SAMD5: variants seen among roughly 807,000 people sequenced by gnomAD.
SAMD5 encodes sterile alpha motif domain-containing protein 5.
In SAMD5, 13 loss-of-function variants were observed where a neutral mutation model predicts 11.3. That is an observed-to-expected ratio of 1.15 (90% CI 0.75 to 1.83). The LOEUF (loss-of-function observed/expected upper bound fraction) is 1.83. SAMD5 is among the 40% of genes most tolerant of loss of function. SAMD5 has a pLI of 0.00. For missense variants in SAMD5, 255 were observed against 239.1 expected, an observed-to-expected ratio of 1.07 and a Z score of -0.44; for synonymous variants, 129 against 111.3, an observed-to-expected ratio of 1.16 and a Z score of -1.00.
chr6:147,881,593 T>C, the SAMD5 span, among the ~76,000 whole-genome samples: 14 of 152,186 alleles, frequency 9.2e-5, no homozygotes, highest in Non-Finnish European at 1.9e-4. Context: ...CTCCTGCTTG[T>C]CAGAGACCGA....
At chr6:147,799,616 G>C in the SAMD5 span, among the ~76,000 whole-genome samples, 2 of 151,910 alleles carry the variant, frequency 1.3e-5, no homozygotes, top group African/African-American at 4.8e-5. Flanking sequence ...ACTTTGGCCT[G>C]CCTTACTAGA....
intron 1 of SAMD5, among the ~76,000 whole-genome samples, chr6:147,680,479 G>A (rs1158418267): frequency 6.6e-6 from 1 of 152,014 alleles, no homozygotes; most frequent in Non-Finnish European, 1.5e-5. Flanking sequence ...ATGGTCTTAG[G>A]TCTTCCTTTC....
chr6:147,525,996 A>G (rs1788333403), intron 1 of SAMD5, among the ~76,000 whole-genome samples: 1 of 152,114 alleles, frequency 6.6e-6, no homozygotes, highest in Admixed American at 6.5e-5. Flanking sequence ...TACCACAGAG[A>G]CCACACCTGG....
chr6:147,795,230 A>C, the SAMD5 span, among the ~76,000 whole-genome samples: 1,229 of 105,998 alleles, frequency 0.012, 31 homozygotes, highest in African/African-American at 0.042. Context: ...CCCACCCCAC[A>C]ACAGTCCCCA....
chr6:147,609,010 G>GAT (rs1425054663), intron 1 of SAMD5, among the ~76,000 whole-genome samples: 1 of 151,886 alleles, frequency 6.6e-6, no homozygotes, highest in Non-Finnish European at 1.5e-5. Context: ...CTTTTTAAAG[G>GAT]ATACTTGTTT....
At chr6:147,833,677 G>A in the SAMD5 span, among the ~76,000 whole-genome samples, 1 of 152,044 alleles carries the variant, frequency 6.6e-6, no homozygotes, top group African/African-American at 2.4e-5. Context: ...CTTTTTTCCT[G>A]TGTATGTAAA....
chr6:147,898,781 T>C, the SAMD5 span, among the ~76,000 whole-genome samples: 1 of 152,110 alleles, frequency 6.6e-6, no homozygotes, highest in Non-Finnish European at 1.5e-5. Context: ...ATACATGTGC[T>C]TATATATATA....
At chr6:147,513,037 C>T (rs569067594) in intron 1 of SAMD5, among the ~76,000 whole-genome samples, 1 of 151,516 alleles carries the variant, frequency 6.6e-6, no homozygotes, top group South Asian at 2.1e-4. Context: ...GTGTTCTCAG[C>T]AGAGAACAGT....
the SAMD5 span, among the ~76,000 whole-genome samples, chr6:147,800,959 C>G: frequency 1.3e-5 from 2 of 151,724 alleles, no homozygotes; most frequent in African/African-American, 2.4e-5. Context: ...ATACATATAC[C>G]TATAACCTAT....
intron 1 of SAMD5, among the ~76,000 whole-genome samples, chr6:147,621,032 T>C (rs563073104): frequency 1.5e-4 from 23 of 151,940 alleles, no homozygotes; most frequent in African/African-American, 5.3e-4. Flanking sequence ...AAATTTGGAA[T>C]ATAGCAAATT....
chr6:147,590,538 G>GAGTAGCTGGGATTACAGGCACGC (rs1789437781), intron 1 of SAMD5, among the ~76,000 whole-genome samples: 1 of 152,088 alleles, frequency 6.6e-6, no homozygotes, highest in African/African-American at 2.4e-5. Flanking sequence ...TCGGCCTCCT[G>GAGTAGCTGGGATTACAGGCACGC]AGTAGCTGGG....
the SAMD5 span, among the ~76,000 whole-genome samples, chr6:147,893,215 A>AT: frequency 1.3e-5 from 2 of 152,138 alleles, no homozygotes; most frequent in Middle Eastern, 3.4e-3. Context: ...AAAAAAAAAA[A>AT]AAAGTACTCA....
At chr6:147,661,309 G>A (rs950009092) in intron 1 of SAMD5, among the ~76,000 whole-genome samples, 1 of 152,152 alleles carries the variant, frequency 6.6e-6, no homozygotes, top group African/African-American at 2.4e-5. Context: ...TTTTCACATG[G>A]AAGTAAATGC....
chr6:147,823,453 T>C, the SAMD5 span, among the ~76,000 whole-genome samples: 4 of 152,244 alleles, frequency 2.6e-5, no homozygotes, highest in South Asian at 4.1e-4. Context: ...ACCCACAAAA[T>C]CTAAAAATAT....
chr6:147,664,352 A>G (rs1319413403), intron 1 of SAMD5, among the ~76,000 whole-genome samples: 2 of 152,134 alleles, frequency 1.3e-5, no homozygotes, highest in Admixed American at 6.5e-5. Flanking sequence ...ACTCCAGGAG[A>G]CTAGCAGAGA....
At chr6:147,681,177 T>C (rs1421369997) in intron 1 of SAMD5, among the ~76,000 whole-genome samples, 1 of 152,174 alleles carries the variant, frequency 6.6e-6, no homozygotes, top group Non-Finnish European at 1.5e-5. Context: ...TTTTTTAAAT[T>C]AGTCTGTTTA....
At chr6:147,636,242 G>A (rs747018152) in intron 1 of SAMD5, among the ~76,000 whole-genome samples, 62 of 152,164 alleles carry the variant, frequency 4.1e-4, no homozygotes, top group Non-Finnish European at 6.9e-4. Context: ...TATGACAGTG[G>A]AGGTATTCAG....
chr6:147,582,356 T>A (rs1249613477), intron 1 of SAMD5, among the ~76,000 whole-genome samples: 4 of 150,034 alleles, frequency 2.7e-5, no homozygotes, highest in African/African-American at 7.3e-5. Context: ...AAGGAAAGGA[T>A]GGGTGTGGCT....
At chr6:147,791,473 G>GTT in the SAMD5 span, among the ~76,000 whole-genome samples, 1 of 151,996 alleles carries the variant, frequency 6.6e-6, no homozygotes, top group Admixed American at 6.6e-5. Flanking sequence ...AGTGATATAC[G>GTT]TTTATACCTT....
Sources: gnomAD v4.1 joint callset for allele counts (sites outside exome capture counted in the v4.1 genomes callset) on GRCh38, gnomAD v4.1.1 for gene constraint, MANE v1.5 for transcripts, NCBI Gene and HGNC (gene_info 2026-07-23, HGNC 2026-07-21) for gene names.